FANCA: variants seen among roughly 807,000 people sequenced by gnomAD.
FANCA encodes Fanconi anemia group A protein.
In FANCA, 236 loss-of-function variants were observed where a neutral mutation model predicts 194.3. That is an observed-to-expected ratio of 1.21 (90% CI 1.09 to 1.35). The LOEUF (loss-of-function observed/expected upper bound fraction) is 1.35, where lower values mean the gene tolerates loss of function less well. Ranked by LOEUF, FANCA falls within the 40% of genes most tolerant of loss-of-function variation. The probability of loss-of-function intolerance (pLI) is 0.00; values close to 1 mark genes in which losing one functional copy is unlikely to be tolerated. For synonymous variants in FANCA, 1,014 were observed against 715.8 expected (o/e 1.42, Z -6.65); for missense variants, 2,628 against 1,813.9 (o/e 1.45, Z -8.15).
Position 89,782,893 on chromosome 16 carries a change from T to A in FANCA, c.1592A>T (p.Tyr531Phe), listed in dbSNP as rs765812445. 6.2e-7 allele frequency: 1 copy of A among 1,614,092 alleles called. No individual in the cohort carries two copies. Reference protein sequence around the residue: ...LKVSIENMGLYEDLSSAGDIT... With the variant: ...LKVSIENMGLFEDLSSAGDIT... Reference sequence around the variant, plus strand: ...GTCCCCAGCTGATGACAAATCCTCGTAGAGTCCCATGTTTTCTATAGAAAC... The same window carrying A: ...GTCCCCAGCTGATGACAAATCCTCGAAGAGTCCCATGTTTTCTATAGAAAC... The change falls in exon 17 of 43, where the codon TAC (tyrosine) becomes TTC (phenylalanine). Residue 531 changes from tyrosine to phenylalanine, a missense_variant. Transcript: ENST00000389301.
At chr16:89,749,335 C>A (rs1007799872) in intron 32 of FANCA, among the ~76,000 whole-genome samples, 1 of 152,178 alleles carries the variant, frequency 6.6e-6, no homozygotes, top group African/African-American at 2.4e-5. Context: ...GCCTCAGTCT[C>A]CCGAGTAGCT....
At chr16:89,805,181 G>A (rs1016563286) in intron 7 of FANCA, 99 bp downstream of exon 7, 12 of 908,238 alleles carry the variant, frequency 1.3e-5, no homozygotes, top group Admixed American at 1.2e-4. Context: ...GCCACGGAGA[G>A]ACAGGCTGTT....
At chr16:89,739,368 T>G in intron 40 of FANCA, 79 bp from the exon 41 acceptor site, 1 of 1,590,278 alleles carries the variant, frequency 6.3e-7, no homozygotes, top group Non-Finnish European at 8.6e-7. Context: ...ACTGCTCATC[T>G]GTGGAGCAGA....
At position 89,816,533 on chromosome 16, in the gene FANCA, C is replaced by G. The variant is rs2041136967; in HGVS notation, c.79+4G>C. On this transcript the variant is annotated splice_donor_region_variant and intron_variant, in intron 1 of 42. Coordinates refer to ENST00000389301, the MANE Select transcript of FANCA (RefSeq NM_000135.4). Reference sequence around the variant, plus strand: ...CACTCCCGCGGCCTGCCGCGCCCACCTACCCAGCAGCTCGGCCCAGGCCCT... The same window carrying G: ...CACTCCCGCGGCCTGCCGCGCCCACGTACCCAGCAGCTCGGCCCAGGCCCT... The G allele has an allele frequency of 1.3e-6, 2 of 1,493,100 alleles. No homozygotes were observed. 92.5% of individuals were successfully genotyped at this position (1,493,100 alleles called of 1,614,324 possible).
At chr16:89,773,115 G>T (rs974126078) in intron 22 of FANCA, among the ~76,000 whole-genome samples, 156 bp downstream of exon 22, 2 of 152,140 alleles carry the variant, frequency 1.3e-5, no homozygotes, top group Non-Finnish European at 2.9e-5. Flanking sequence ...CTCAAAAAAG[G>T]TTCCACACCC....
At chr16:89,805,444 G>C (rs1952455475) in intron 6 of FANCA, 52 bp from the exon 7 acceptor site, 4 of 1,440,840 alleles carry the variant, frequency 2.8e-6, no homozygotes, top group South Asian at 1.2e-5. Flanking sequence ...CCCATCATCA[G>C]GGGATTGAGT....
At chr16:89,746,192 C>T (rs370261844) in intron 35 of FANCA, among the ~76,000 whole-genome samples, 46 of 152,278 alleles carry the variant, frequency 3.0e-4, no homozygotes, top group South Asian at 4.1e-4. Context: ...CATAGTCAGG[C>T]GCAAGTGGGC....
intron 14 of FANCA, among the ~76,000 whole-genome samples, chr16:89,785,853 G>GTTGTT (rs1555557050): frequency 8.8e-6 from 1 of 113,166 alleles, no homozygotes; most frequent in East Asian, 2.7e-4. Flanking sequence ...GCAAAATTGT[G>GTTGTT]TTTTGTTTTT....
rs568354015 is a variant in FANCA at position 89,758,654 on chromosome 16, C to T, written c.2904G>A (p.Ser968=). Residue 968 remains serine, a synonymous_variant, in exon 30 of 43, where the codon TCG becomes TCA. Transcript: ENST00000389301. ...AIHEHFLPES[S]ASGGCDGDLQ... ...GGTCTCCGTCACAGCCCCCTGAAGC[C>T]GAGGACTCAGGGAGAAAGTGCTCAT... is the stretch of plus-strand genomic sequence containing the variant. 10 of 1,614,044 alleles carry T rather than the reference C, an allele frequency of 6.2e-6. No individual in the cohort carries two copies. In the South Asian group the frequency reaches 7.7e-5, roughly 12 times the overall value.
chr16:89,779,843 G>A, intron 18 of FANCA, 26 bp downstream of exon 18: 2 of 1,603,028 alleles, frequency 1.2e-6, no homozygotes, highest in Non-Finnish European at 1.7e-6. Context: ...GCAGCTGCTA[G>A]AGGCCTTTTC....
rs1315431949 is a variant in FANCA, at chr16:89,803,306, T to C, written c.745A>G (p.Lys249Glu). 2.5e-6 allele frequency: 4 copies of C among 1,614,086 alleles called. No individual in the cohort carries two copies. Among genetic ancestry groups the C allele is most frequent in the Non-Finnish European group, 2.5e-6 (3 of 1,180,028 alleles). ...ACAGTTCTTCTCAGATCTGAGTTTT[T>C]CTGAAATCCCCTCAAAACAAACATT... ...VQMFVLRGFQKNSDLRRTVEP... is the reference protein window; with the variant it reads ...VQMFVLRGFQENSDLRRTVEP... The change falls in exon 8 of 43, where the codon AAA (lysine) becomes GAA (glutamate). Residue 249 changes from lysine to glutamate, a missense_variant. By Grantham distance (56) the Lys-to-Glu change is moderately conservative. Transcript: ENST00000389301.
chr16:89,748,951 T>C (rs1408483039), intron 32 of FANCA, among the ~76,000 whole-genome samples, 184 bp from the exon 33 acceptor site: 1 of 152,170 alleles, frequency 6.6e-6, no homozygotes, highest in African/African-American at 2.4e-5. Context: ...TCCCCTATAC[T>C]GTGTTTGGCC....
In FANCA at chr16:89,799,224, C is replaced by CAA; in HGVS notation, c.833_834dup (p.Asp279LeufsTer18). 6.2e-7 allele frequency: 1 copy of CAA among 1,614,076 alleles called. No homozygotes were observed. The highest frequency in any genetic ancestry group is 2.2e-5 in the East Asian group (1 of 44,876). ...TCCTGTACTCCAGCAGCCAAAGCGT[C>CAA]AAGTGCAACTGAAGACAGAGCCAGG... On this transcript the variant is annotated frameshift_variant, in exon 10 of 43. Coordinates refer to ENST00000389301, the MANE Select transcript of FANCA (RefSeq NM_000135.4). LOFTEE classifies it high-confidence loss of function.
Position 89,738,550 on chromosome 16 carries a change from G to T in FANCA, c.*51C>A, listed in dbSNP as rs1168504961. On this transcript the variant is annotated 3_prime_UTR_variant, in exon 43 of 43. Coordinates refer to ENST00000389301, the MANE Select transcript of FANCA (RefSeq NM_000135.4). The stretch of plus-strand genomic sequence containing the variant: ...GCAACAAGAGCTCCATGTTATGCTT[G>T]TAATAAATTATTTACACGGGAGCTG... 1.2e-6 allele frequency: 2 copies of T among 1,611,410 alleles called. No homozygotes were observed. Among genetic ancestry groups the T allele is most frequent in the African/African-American group, 2.7e-5 (2 of 74,880 alleles).
intron 17 of FANCA, among the ~76,000 whole-genome samples, chr16:89,781,409 C>T (rs972348869): frequency 2.1e-5 from 3 of 146,056 alleles, no homozygotes; most frequent in Admixed American, 7.0e-5. Flanking sequence ...CACAGTGGCT[C>T]ATGCCTGTAA....
rs773794718 is a variant in FANCA, at chr16:89,799,212, C to T, written c.847G>A (p.Ala283Thr). The T allele has an allele frequency of 3.1e-6, 5 of 1,614,150 alleles. No homozygotes were observed. The highest frequency in any genetic ancestry group is 1.7e-6 in the Non-Finnish European group (2 of 1,180,050). ...GTGGAGGACTCCTCCTGTACTCCAG[C>T]AGCCAAAGCGTCAAGTGCAACTGAA... Reference protein sequence around the residue: ...MLIFALDALAAGVQEESSTHK... With the variant: ...MLIFALDALATGVQEESSTHK... The change falls in exon 10 of 43, where the codon GCT becomes ACT. Residue 283 changes from alanine to threonine, a missense_variant. Coordinates refer to ENST00000389301, the MANE Select transcript of FANCA (RefSeq NM_000135.4).
intron 3 of FANCA, among the ~76,000 whole-genome samples, chr16:89,812,345 C>G (rs1450097003): frequency 6.7e-6 from 1 of 148,200 alleles, no homozygotes; most frequent in Non-Finnish European, 1.5e-5. Context: ...CTCAAAAAAA[C>G]AAAACAAAAA....
chr16:89,765,017 G>C lies in FANCA; in HGVS notation c.2651C>G (p.Ser884Cys), dbSNP rs776492214. 3.3e-5 allele frequency: 53 copies of C among 1,614,252 alleles called. No individual in the cohort carries two copies. The highest frequency in any genetic ancestry group is 4.3e-5 in the Non-Finnish European group (51 of 1,180,046). The change falls in exon 28 of 43, where the codon TCT becomes TGT. Residue 884 changes from serine (S) to cysteine (C), a missense_variant. Transcript: ENST00000389301. ...GGAAAGGCTGGCTACGTCCTCCTCA[G>C]AAAGAGGCTGTCGGGCCTCTGAGAA... Reference protein sequence around the residue: ...RLFSEARQPLSEEDVASLSWR... With the variant: ...RLFSEARQPLCEEDVASLSWR...
chr16:89,748,861 G>GA (rs2038482604), intron 32 of FANCA, 94 bp from the exon 33 acceptor site: 6 of 1,002,720 alleles, frequency 6.0e-6, no homozygotes, highest in African/African-American at 1.6e-5. Context: ...CCACCACCCT[G>GA]AAACCCAGGG....
Sources: allele counts gnomAD v4.1 joint callset (sites outside exome capture counted in the v4.1 genomes callset), GRCh38; gene constraint gnomAD v4.1.1; transcripts MANE v1.5; gene names NCBI Gene and HGNC (gene_info 2026-07-23, HGNC 2026-07-21).